NOS1AP: variants seen among roughly 807,000 people sequenced by gnomAD.
The protein encoded by NOS1AP is carboxyl-terminal PDZ ligand of neuronal nitric oxide synthase protein.
NOS1AP carries 21 observed loss-of-function variants against 56.2 expected under a neutral mutation model. The observed-to-expected ratio is 0.37, with a 90% CI of 0.26 to 0.54. The LOEUF (loss-of-function observed/expected upper bound fraction) is 0.54, where lower values mean the gene tolerates loss of function less well. Among genes scored for constraint, NOS1AP ranks in the 20% least tolerant of loss-of-function variants. The pLI, the probability that NOS1AP is intolerant of heterozygous loss-of-function variation, is 0.84. For missense variants in NOS1AP, 522 were observed against 657.8 expected (o/e 0.79, Z 2.26); for synonymous variants, 270 against 274.6 (o/e 0.98, Z 0.17).
intron 1 of NOS1AP, among the ~76,000 whole-genome samples, chr1:162,119,515 A>G (rs551496780): frequency 1.3e-5 from 2 of 152,324 alleles, no homozygotes; most frequent in African/African-American, 4.8e-5. Flanking sequence ...ACAAAACAAA[A>G]CAACAACAAA....
rs183455484 is a variant in NOS1AP, at chr1:162,364,786, G to A, written c.940-618G>A. 252 of 987,150 alleles carry A rather than the reference G, an allele frequency of 2.6e-4. 1 individual carries two copies. The African/African-American group carries it at 4.0e-3, about 16-fold the overall frequency. 61.1% of individuals were successfully genotyped at this position (987,150 alleles called of 1,614,324 possible). A position where few individuals can be genotyped will look rare whatever the true frequency, so the allele number is the denominator to read the frequency against. On this transcript the variant is annotated intron_variant, in intron 8 of 9. Coordinates refer to ENST00000361897, the MANE Select transcript of NOS1AP (RefSeq NM_014697.3). Reference sequence around the variant, plus strand: ...AAAAAGGAAGACAGGGAAAGAAGCTGTCGCCTACAGAGTGGCTTGATGACA... The same window carrying A: ...AAAAAGGAAGACAGGGAAAGAAGCTATCGCCTACAGAGTGGCTTGATGACA...
intron 6 of NOS1AP, among the ~76,000 whole-genome samples, chr1:162,345,636 G>A (rs1290417800): frequency 3.3e-5 from 5 of 152,190 alleles, no homozygotes; most frequent in African/African-American, 1.2e-4. Flanking sequence ...ATGCTAGTCT[G>A]CAAATGGCAG....
chr1:162,134,540 G>C (rs1648903635), intron 1 of NOS1AP, among the ~76,000 whole-genome samples: 1 of 150,316 alleles, frequency 6.7e-6, no homozygotes. Flanking sequence ...GGGAGGAGAG[G>C]AAGGAGAGTA....
intron 2 of NOS1AP, among the ~76,000 whole-genome samples, chr1:162,224,381 T>C (rs1053342723): frequency 6.6e-6 from 1 of 152,242 alleles, no homozygotes; most frequent in Non-Finnish European, 1.5e-5. Context: ...TGAACTTTCA[T>C]TACTTCATTA....
At chr1:162,148,041 T>C (rs1649553721) in intron 1 of NOS1AP, among the ~76,000 whole-genome samples, 1 of 152,232 alleles carries the variant, frequency 6.6e-6, no homozygotes, top group African/African-American at 2.4e-5. Flanking sequence ...AGGAATTGCA[T>C]GTGCTACTGT....
chr1:162,308,032 G>A (rs1029890179), intron 4 of NOS1AP, among the ~76,000 whole-genome samples: 1 of 152,118 alleles, frequency 6.6e-6, no homozygotes, highest in Non-Finnish European at 1.5e-5. Context: ...ACAGAAACCA[G>A]GCAGTGATTT....
intron 8 of NOS1AP, chr1:162,364,133 A>G: frequency 1.0e-6 from 1 of 985,248 alleles, no homozygotes; most frequent in Non-Finnish European, 1.2e-6. Flanking sequence ...TTTGGAGCAA[A>G]CTCCTCTTCA....
At chr1:162,260,659 A>G (rs764638048) in intron 2 of NOS1AP, among the ~76,000 whole-genome samples, 1 of 152,156 alleles carries the variant, frequency 6.6e-6, no homozygotes, top group African/African-American at 2.4e-5. Context: ...CCCAAAGAGG[A>G]AAGAGGTTGT....
intron 1 of NOS1AP, among the ~76,000 whole-genome samples, chr1:162,145,839 G>A (rs1309031872): frequency 2.6e-5 from 4 of 152,156 alleles, no homozygotes; most frequent in East Asian, 1.9e-4. Flanking sequence ...GGAGACCAGC[G>A]GGATATGAGG....
intron 2 of NOS1AP, among the ~76,000 whole-genome samples, chr1:162,262,233 C>A (rs779127682): frequency 7.2e-5 from 11 of 152,128 alleles, no homozygotes; most frequent in Non-Finnish European, 1.5e-4. Flanking sequence ...ACTAAAATTT[C>A]AGCTATGGAT....
chr1:162,214,268 C>T (rs368744234), intron 2 of NOS1AP, among the ~76,000 whole-genome samples: 3,416 of 128,866 alleles, frequency 0.027, 131 homozygotes, highest in African/African-American at 0.083. Context: ...TTCGTTCGTT[C>T]GTTCATTCAT....
chr1:162,087,995 G>A (rs957173633), intron 1 of NOS1AP, among the ~76,000 whole-genome samples: 1 of 151,998 alleles, frequency 6.6e-6, no homozygotes, highest in East Asian at 1.9e-4. Flanking sequence ...ATCCTTTAAA[G>A]TCTAGTCATT....
chr1:162,308,405 G>A (rs74762629), intron 4 of NOS1AP, among the ~76,000 whole-genome samples: 1,975 of 152,284 alleles, frequency 0.013, 20 homozygotes, highest in Non-Finnish European at 0.02. Flanking sequence ...AACCTGGGGG[G>A]CAGGGGGAAG....
chr1:162,079,105 C>T (rs1400995533), intron 1 of NOS1AP, among the ~76,000 whole-genome samples: 1 of 152,206 alleles, frequency 6.6e-6, no homozygotes, highest in African/African-American at 2.4e-5. Flanking sequence ...CACCATTTCT[C>T]TTGCTTTAGT....
chr1:162,095,196 G>A (rs1463013588), intron 1 of NOS1AP, among the ~76,000 whole-genome samples: 1 of 152,172 alleles, frequency 6.6e-6, no homozygotes, highest in East Asian at 1.9e-4. Flanking sequence ...TTTGTGTTGA[G>A]GCCCTAATGC....
Position 162,322,866 on chromosome 1 carries a change from G to A in NOS1AP, c.345-10151G>A, listed in dbSNP as rs115629832. On this transcript the variant is annotated intron_variant, in intron 4 of 9. Transcript: ENST00000361897. ...GGTATAGAGAAAACAATAGTAATAC[G>A]GGTAATGAATGACATTCAATATTCA... 5.5e-3 allele frequency among the ~76,000 whole-genome samples: 839 copies of A among 152,244 alleles called. 3 individuals carry two copies. Among genetic ancestry groups the A allele is most frequent in the African/African-American group, 0.019 (777 of 41,544 alleles).
intron 2 of NOS1AP, among the ~76,000 whole-genome samples, chr1:162,249,225 G>T (rs940739545): frequency 1.3e-5 from 2 of 152,084 alleles, no homozygotes; most frequent in Non-Finnish European, 2.9e-5. Context: ...CCTAGCCCTT[G>T]GCCAGAATGC....
At chr1:162,201,332 G>A (rs1651984300) in intron 2 of NOS1AP, among the ~76,000 whole-genome samples, 1 of 152,128 alleles carries the variant, frequency 6.6e-6, no homozygotes, top group Non-Finnish European at 1.5e-5. Flanking sequence ...CTAGACTAAT[G>A]ATATCCTTTA....
At chr1:162,342,025 T>G (rs1657124522) in intron 5 of NOS1AP, among the ~76,000 whole-genome samples, 1 of 152,194 alleles carries the variant, frequency 6.6e-6, no homozygotes, top group Admixed American at 6.5e-5. Context: ...AGAACAGTCA[T>G]GTCTTACACA....
Sources: gnomAD v4.1 joint callset for allele counts (sites outside exome capture counted in the v4.1 genomes callset) on GRCh38, gnomAD v4.1.1 for gene constraint, MANE v1.5 for transcripts, NCBI Gene and HGNC (gene_info 2026-07-23, HGNC 2026-07-21) for gene names.